Variants in EYS observed in about 807,000 individuals in gnomAD.
EYS encodes the protein protein eyes shut homolog.
In EYS, 250 loss-of-function variants were observed where a neutral mutation model predicts 282.1. That is an observed-to-expected ratio of 0.89 (90% confidence interval 0.80 to 0.98). The LOEUF (loss-of-function observed/expected upper bound fraction) is 0.98. Among genes scored for constraint, EYS ranks in the 50% least tolerant of loss-of-function variants. EYS has a pLI of 0.00. For missense variants in EYS, 4,016 were observed against 3,709.0 expected, an observed-to-expected ratio of 1.08 and a Z score of -2.15; for synonymous variants, 1,355 against 1,282.9, an observed-to-expected ratio of 1.06 and a Z score of -1.20.
At chr6:65,623,819 A>T (rs897198489) in intron 2 of EYS, among the ~76,000 whole-genome samples, 1 of 152,238 alleles carries the variant, frequency 6.6e-6, no homozygotes, top group Non-Finnish European at 1.5e-5. Context: ...TTTGGAATAA[A>T]GTGAGACAGA....
intron 14 of EYS, among the ~76,000 whole-genome samples, chr6:64,962,129 A>G (rs1426748977): frequency 6.6e-6 from 1 of 151,808 alleles, no homozygotes; most frequent in Non-Finnish European, 1.5e-5. Flanking sequence ...CTGCACTTCT[A>G]TTCTAGTTGC....
At chr6:64,250,924 TTAGTC>T (rs1161656950) in intron 30 of EYS, among the ~76,000 whole-genome samples, 1 of 152,180 alleles carries the variant, frequency 6.6e-6, no homozygotes, top group Non-Finnish European at 1.5e-5. Flanking sequence ...TTTGTATAGT[TTAGTC>T]TTTTCTACAA....
At chr6:64,499,864 T>G (rs1776987200) in intron 26 of EYS, among the ~76,000 whole-genome samples, 1 of 152,166 alleles carries the variant, frequency 6.6e-6, no homozygotes, top group South Asian at 2.1e-4. Context: ...TCATTTCTGC[T>G]TAACTCTGAA....
intron 2 of EYS, among the ~76,000 whole-genome samples, chr6:65,578,644 A>G (rs1044198770): frequency 1.3e-5 from 2 of 152,020 alleles, no homozygotes; most frequent in Admixed American, 6.6e-5. Flanking sequence ...ATGCATAGGT[A>G]AAATAGCTTG....
chr6:65,091,820 T>C (rs1774577467), intron 12 of EYS, among the ~76,000 whole-genome samples: 1 of 152,036 alleles, frequency 6.6e-6, no homozygotes, highest in East Asian at 1.9e-4. Context: ...AACCTGTTTG[T>C]GTGAGCTCAT....
intron 31 of EYS, among the ~76,000 whole-genome samples, chr6:64,200,703 G>T (rs1562250613): frequency 6.6e-6 from 1 of 152,124 alleles, no homozygotes; most frequent in African/African-American, 2.4e-5. Flanking sequence ...TGGCTGTGAA[G>T]GTTAAGCTTC....
At chr6:64,694,602 G>A (rs1303513607) in intron 22 of EYS, among the ~76,000 whole-genome samples, 1 of 152,130 alleles carries the variant, frequency 6.6e-6, no homozygotes, top group Non-Finnish European at 1.5e-5. Flanking sequence ...GACTGCACAG[G>A]AAGCTGCCAG....
At chr6:65,439,740 A>T (rs1331690593) in intron 5 of EYS, among the ~76,000 whole-genome samples, 2 of 152,124 alleles carry the variant, frequency 1.3e-5, no homozygotes, top group African/African-American at 4.8e-5. Context: ...CAGGTTAAGG[A>T]CATTTGCTCT....
At chr6:64,886,656 A>T in intron 19 of EYS, 41 bp downstream of exon 19, 1 of 1,454,912 alleles carries the variant, frequency 6.9e-7, no homozygotes, top group Non-Finnish European at 9.1e-7. Flanking sequence ...TTGCTTGCAG[A>T]CAGAAATATG....
At chr6:64,266,263 A>T (rs1292874887) in intron 30 of EYS, among the ~76,000 whole-genome samples, 2 of 152,126 alleles carry the variant, frequency 1.3e-5, no homozygotes, top group Admixed American at 6.6e-5. Flanking sequence ...AATTAAGATG[A>T]TTAAGTTTTA....
intron 2 of EYS, among the ~76,000 whole-genome samples, chr6:65,637,749 C>T (rs1291677689): frequency 6.6e-6 from 1 of 152,178 alleles, no homozygotes; most frequent in Non-Finnish European, 1.5e-5. Context: ...AGGGCTGACA[C>T]ACCAGCTCCC....
intron 2 of EYS, among the ~76,000 whole-genome samples, chr6:65,622,868 CA>C (rs1766568749): frequency 6.6e-6 from 1 of 151,740 alleles, no homozygotes; most frequent in Admixed American, 6.6e-5. Context: ...GTGGTCCTCC[CA>C]ACATCACCCT....
intron 31 of EYS, among the ~76,000 whole-genome samples, chr6:64,133,247 AC>A (rs1774043997): frequency 6.6e-6 from 1 of 152,068 alleles, no homozygotes; most frequent in East Asian, 1.9e-4. Context: ...TCAAGCTCAT[AC>A]ATGGACATTT....
intron 36 of EYS, among the ~76,000 whole-genome samples, chr6:63,851,635 A>G (rs958128238): frequency 6.6e-6 from 1 of 152,210 alleles, no homozygotes; most frequent in African/African-American, 2.4e-5. Flanking sequence ...GAGAACAAAG[A>G]CACAACATAT....
chr6:65,058,595 A>T (rs1773483279), intron 12 of EYS, among the ~76,000 whole-genome samples: 1 of 150,828 alleles, frequency 6.6e-6, no homozygotes, highest in Admixed American at 6.7e-5. Context: ...TTTTCTAGTA[A>T]TTTTACAACG....
intron 12 of EYS, among the ~76,000 whole-genome samples, chr6:65,149,352 G>T (rs538970660): frequency 6.6e-6 from 1 of 152,194 alleles, no homozygotes; most frequent in Admixed American, 6.5e-5. Context: ...AAAATGATTT[G>T]CTAAGGCATA....
intron 36 of EYS, among the ~76,000 whole-genome samples, chr6:63,820,932 G>A (rs2149685738): frequency 6.6e-6 from 1 of 152,098 alleles, no homozygotes; most frequent in East Asian, 1.9e-4. Context: ...GTGGGTTGTT[G>A]TTATACATAT....
intron 35 of EYS, among the ~76,000 whole-genome samples, chr6:63,928,549 TGTGC>T (rs557026687): frequency 1.4e-5 from 2 of 140,776 alleles, no homozygotes; most frequent in Middle Eastern, 3.8e-3. Flanking sequence ...TGTGTGTGTG[TGTGC>T]GTGTGCGCAT....
At chr6:64,202,104 G>C (rs545856091) in intron 31 of EYS, among the ~76,000 whole-genome samples, 67 of 152,118 alleles carry the variant, frequency 4.4e-4, no homozygotes, top group Non-Finnish European at 8.5e-4. Context: ...AGTAGCAATG[G>C]TTATGGATTC....
Sources: gnomAD v4.1 joint callset for allele counts (sites outside exome capture counted in the v4.1 genomes callset) on GRCh38, gnomAD v4.1.1 for gene constraint, MANE v1.5 for transcripts, NCBI Gene and HGNC (gene_info 2026-07-23, HGNC 2026-07-21) for gene names.